The following SORBS2 variants were observed in gnomAD, a reference collection of about 807,000 sequenced individuals.
SORBS2 encodes the protein sorbin and SH3 domain-containing protein 2.
In SORBS2, 46 loss-of-function variants were observed where a neutral mutation model predicts 97.7. The ratio of observed to expected loss-of-function variants is 0.47; its 90% confidence interval spans 0.37 to 0.60. The LOEUF is 0.60. Among genes scored for constraint, SORBS2 ranks in the 20% least tolerant of loss-of-function variants. The pLI is 0.00. For missense variants in SORBS2, 1,316 were observed against 1,282.3 expected (o/e 1.03, Z -0.40); for synonymous variants, 476 against 473.4 (o/e 1.01, Z -0.07).
At chr4:185,909,985 GA>G (rs142443290) in intron 1 of SORBS2, among the ~76,000 whole-genome samples, 35,868 of 112,646 alleles carry the variant, frequency 0.32, 4,511 homozygotes, top group Non-Finnish European at 0.34. Context: ...CTCCATCTCA[GA>G]AAAAAAAAAA....
chr4:185,756,860 G>T, intron 2 of SORBS2, among the ~76,000 whole-genome samples: 1 of 151,596 alleles, frequency 6.6e-6, no homozygotes, highest in East Asian at 1.9e-4. Flanking sequence ...AGTCACCTAA[G>T]ATATCGAGTG....
chr4:185,747,946 G>A (rs1359913607), intron 2 of SORBS2, among the ~76,000 whole-genome samples: 3 of 151,914 alleles, frequency 2.0e-5, no homozygotes, highest in East Asian at 1.9e-4. Context: ...AGCTGAGACC[G>A]TAACACTGCA....
At chr4:185,779,824 T>C (rs1041939548) in intron 1 of SORBS2, among the ~76,000 whole-genome samples, 2 of 152,096 alleles carry the variant, frequency 1.3e-5, no homozygotes, top group Admixed American at 1.3e-4. Context: ...TTTTAGTGCT[T>C]AGGGCGAGGC....
At position 185,878,817 on chromosome 4, in the gene SORBS2, C is replaced by T. The variant is rs535543000; in HGVS notation, c.-338+77379G>A. Among the ~76,000 whole-genome samples the T allele has an allele frequency of 1.2e-4, 19 of 152,326 alleles. No individual in the cohort carries two copies. The East Asian group carries it at 3.1e-3, about 25-fold the overall frequency. On this transcript the variant is annotated intron_variant, in intron 1 of 20. Transcript: ENST00000284776. ...TTCCAGTGCCTCGCCTCAGCCTACACGACCTGGGCTCTGCTCCCTCCCAGC... is the reference window on the plus strand; with the variant it reads ...TTCCAGTGCCTCGCCTCAGCCTACATGACCTGGGCTCTGCTCCCTCCCAGC...
At chr4:185,750,271 A>T (rs1216762395) in intron 2 of SORBS2, among the ~76,000 whole-genome samples, 1 of 152,250 alleles carries the variant, frequency 6.6e-6, no homozygotes, top group Non-Finnish European at 1.5e-5. Flanking sequence ...CCAATTATGA[A>T]CAAATTGTAA....
intron 2 of SORBS2, chr4:185,773,369 G>A (rs1312905683): frequency 6.6e-6 from 1 of 152,242 alleles, no homozygotes; most frequent in Non-Finnish European, 1.5e-5. Context: ...AAGGGGAAAA[G>A]TGGCAATGAA....
At chr4:185,757,213 A>G (rs2098836746) in intron 2 of SORBS2, 2 of 328,360 alleles carry the variant, frequency 6.1e-6, no homozygotes, top group Non-Finnish European at 1.2e-5. Context: ...TTATTCTGAC[A>G]TAAGATATTT....
At chr4:185,882,468 T>C (rs1207131359) in intron 1 of SORBS2, among the ~76,000 whole-genome samples, 6 of 152,180 alleles carry the variant, frequency 3.9e-5, no homozygotes. Context: ...ATGTACTATG[T>C]TCATGGATCA....
At chr4:185,906,647 ATGAATGACACC>A (rs2149851846) in intron 1 of SORBS2, among the ~76,000 whole-genome samples, 1 of 152,376 alleles carries the variant, frequency 6.6e-6, no homozygotes, top group African/African-American at 2.4e-5. Context: ...GAATGAATAA[ATGAATGACACC>A]TGCCCACTGT....
intron 1 of SORBS2, among the ~76,000 whole-genome samples, chr4:185,790,261 G>C (rs1161779867): frequency 6.6e-6 from 1 of 152,028 alleles, no homozygotes. Context: ...TGTTAACTTT[G>C]TCCTGAGAGT....
intron 9 of SORBS2, among the ~76,000 whole-genome samples, chr4:185,616,353 GT>G (rs918639938): frequency 1.4e-4 from 22 of 152,158 alleles, no homozygotes; most frequent in African/African-American, 5.1e-4. Flanking sequence ...TTGAAAATGT[GT>G]TAAATTTTCA....
chr4:185,946,196 TG>T (rs1030490275), intron 1 of SORBS2, among the ~76,000 whole-genome samples: 28 of 21,376 alleles, frequency 1.3e-3, no homozygotes, highest in Admixed American at 1.7e-3. Context: ...GTTGGGGGGG[TG>T]GGTGGGGAAG....
intron 1 of SORBS2, among the ~76,000 whole-genome samples, chr4:185,817,604 C>A (rs2099194044): frequency 6.6e-6 from 1 of 152,164 alleles, no homozygotes; most frequent in Non-Finnish European, 1.5e-5. Context: ...GCCACCCTAC[C>A]CAGTGCAGAA....
intron 1 of SORBS2, among the ~76,000 whole-genome samples, chr4:185,844,594 C>T (rs2099213474): frequency 1.3e-5 from 2 of 152,092 alleles, no homozygotes; most frequent in African/African-American, 4.8e-5. Flanking sequence ...TGTCATATGA[C>T]CCAGAAATTC....
chr4:185,741,403 TG>T (rs376035845), intron 2 of SORBS2, among the ~76,000 whole-genome samples: 1 of 112,468 alleles, frequency 8.9e-6, no homozygotes, highest in African/African-American at 3.5e-5. Flanking sequence ...CTTTTTTTTT[TG>T]TTTTTTTTTT....
intron 1 of SORBS2, among the ~76,000 whole-genome samples, chr4:185,801,664 TCATC>T (rs67174215): frequency 0.27 from 35,340 of 131,252 alleles, 4,214 homozygotes; most frequent in Middle Eastern, 0.33. Context: ...TTTAACTGAA[TCATC>T]TCTCTCTCTC....
Position 185,725,012 on chromosome 4 carries a change from T to C in SORBS2, c.-197-46190A>G, listed in dbSNP as rs553636997. Reference sequence around the variant, plus strand: ...TCAGCACCTTGCATATCTTTCATGCTCAGTGTACTTAAAAACAAAAGAATC... The same window carrying C: ...TCAGCACCTTGCATATCTTTCATGCCCAGTGTACTTAAAAACAAAAGAATC... On this transcript the variant is annotated intron_variant, in intron 2 of 20. Transcript: ENST00000284776. Among the ~76,000 whole-genome samples, 410 of 152,362 alleles carry C rather than the reference T, an allele frequency of 2.7e-3. 4 individuals are homozygous for C. The highest frequency in any genetic ancestry group is 9.2e-3 in the African/African-American group (381 of 41,588).
At chr4:185,737,399 C>T (rs1191251080) in intron 2 of SORBS2, among the ~76,000 whole-genome samples, 1 of 152,170 alleles carries the variant, frequency 6.6e-6, no homozygotes, top group Non-Finnish European at 1.5e-5. Flanking sequence ...GAACCATCGC[C>T]CTCCCTGGAT....
Position 185,607,413 on chromosome 4 carries a change from T to A in SORBS2, c.2796+4367A>T. On this transcript the variant is annotated intron_variant, in intron 12 of 14. Transcript: ENST00000418609. The surrounding 1 kb of genome is among the most constrained non-coding windows in gnomAD (Gnocchi z 5.2). Reference sequence around the variant, plus strand: ...AAACTAAGAAAATAATAATAATGCATCAAAACATAGCGATGGAGAAATGCA... The same window carrying A: ...AAACTAAGAAAATAATAATAATGCAACAAAACATAGCGATGGAGAAATGCA... The A allele has an allele frequency of 1.1e-6, 1 of 874,578 alleles. No individual in the cohort carries two copies. Among genetic ancestry groups the A allele is most frequent in the South Asian group, 1.4e-5 (1 of 71,606 alleles). 54.2% of individuals were successfully genotyped at this position (874,578 alleles called of 1,614,324 possible).
Sources: gnomAD v4.1 joint callset for allele counts (sites outside exome capture counted in the v4.1 genomes callset) on GRCh38, gnomAD v4.1.1 for gene constraint, Gnocchi (gnomAD v3.1) non-coding constraint, MANE v1.5 for transcripts, NCBI Gene and HGNC (gene_info 2026-07-23, HGNC 2026-07-21) for gene names.